The following CDC5L variants were observed in gnomAD, a reference collection of about 807,000 sequenced individuals.
The protein encoded by CDC5L is cell division cycle 5-like protein.
In CDC5L, 18 loss-of-function variants were observed where a neutral mutation model predicts 104.1. The observed-to-expected ratio is 0.17, with a 90% CI of 0.12 to 0.26. CDC5L has a LOEUF of 0.26. CDC5L is among the 10% of genes least tolerant of loss of function. CDC5L has a pLI of 1.00. For missense variants in CDC5L, 673 were observed against 956.9 expected, an observed-to-expected ratio of 0.70 and a Z score of 3.91; for synonymous variants, 331 against 322.7, an observed-to-expected ratio of 1.03 and a Z score of -0.28.
intron 13 of CDC5L, among the ~76,000 whole-genome samples, chr6:44,428,436 A>G (rs1182420641): frequency 6.6e-6 from 1 of 152,216 alleles, no homozygotes; most frequent in Non-Finnish European, 1.5e-5. Flanking sequence ...CCAGTTTTTC[A>G]TAAGCCATGA....
Position 44,422,729 on chromosome 6 carries a change from ACTC to A in CDC5L, c.1328_1330del (p.Pro443del), listed in dbSNP as rs1792244372. ...AGTTATTAACTCTACTCCGGGTAGA[ACTC>A]CTCTTCGAGACAAGTTAAACATTAA... On this transcript the variant is annotated inframe_deletion, in exon 10 of 16. Coordinates refer to ENST00000371477, the MANE Select transcript of CDC5L (RefSeq NM_001253.4). 6.2e-7 allele frequency: 1 copy of A among 1,612,344 alleles called. No individual in the cohort carries two copies. The highest frequency in any genetic ancestry group is 1.3e-5 in the African/African-American group (1 of 74,842).
intron 14 of CDC5L, among the ~76,000 whole-genome samples, chr6:44,439,278 C>A (rs893105473): frequency 4.6e-5 from 7 of 152,112 alleles, no homozygotes; most frequent in African/African-American, 1.4e-4. Context: ...TGGGTTGCTT[C>A]TACTTTTACC....
intron 12 of CDC5L, 65 bp downstream of exon 12, chr6:44,426,248 C>A: frequency 8.5e-7 from 1 of 1,177,754 alleles, no homozygotes; most frequent in Non-Finnish European, 1.2e-6. Flanking sequence ...CTGCGTTTTA[C>A]ATCATTCATA....
intron 14 of CDC5L, among the ~76,000 whole-genome samples, chr6:44,440,191 T>C (rs193064725): frequency 5.3e-4 from 80 of 151,994 alleles, no homozygotes; most frequent in Middle Eastern, 3.5e-3. Context: ...GTAAGGCACA[T>C]AACATGCAGT....
intron 6 of CDC5L, 77 bp from the exon 7 acceptor site, chr6:44,406,246 T>C: frequency 9.2e-7 from 1 of 1,082,624 alleles, no homozygotes; most frequent in Admixed American, 2.5e-5. Context: ...TTCAAAGGGT[T>C]TGAGTATTTG....
chr6:44,435,942 C>G (rs773163039), intron 14 of CDC5L, among the ~76,000 whole-genome samples: 1 of 151,872 alleles, frequency 6.6e-6, no homozygotes, highest in African/African-American at 2.4e-5. Flanking sequence ...CCACCACGCT[C>G]GGCTAATTTT....
At chr6:44,439,082 A>G (rs1242749727) in intron 14 of CDC5L, among the ~76,000 whole-genome samples, 1 of 152,130 alleles carries the variant, frequency 6.6e-6, no homozygotes, top group Non-Finnish European at 1.5e-5. Context: ...CCTATTTTGG[A>G]TATTTCACAT....
At chr6:44,441,519 T>C (rs1021299815) in intron 14 of CDC5L, among the ~76,000 whole-genome samples, 5 of 152,242 alleles carry the variant, frequency 3.3e-5, no homozygotes, top group African/African-American at 4.8e-5. Context: ...GTTTTCAGTT[T>C]TTTGAGGAAC....
At position 44,397,648 on chromosome 6, in the gene CDC5L, T is replaced by A. The variant is rs149871082; in HGVS notation, c.539+1208T>A. 1.9e-3 allele frequency among the ~76,000 whole-genome samples: 288 copies of A among 152,338 alleles called. 1 individual carries two copies. Among genetic ancestry groups the A allele is most frequent in the South Asian group, 0.011 (51 of 4,828 alleles). On this transcript the variant is annotated intron_variant, in intron 5 of 15. Coordinates refer to ENST00000371477, the MANE Select transcript of CDC5L (RefSeq NM_001253.4). ...CACACAAGATTATGTGTCTTTTGTA[T>A]GACTGCCAATTAGTTACTTTCCTTG... is the stretch of plus-strand genomic sequence containing the variant.
Position 44,429,920 on chromosome 6 carries a change from C to G in CDC5L, c.2091+10C>G. On this transcript the variant is annotated intron_variant, in intron 14 of 15. Coordinates refer to ENST00000371477, the MANE Select transcript of CDC5L (RefSeq NM_001253.4). ...TGAAAAGAGGCTCGAGGTTGGTATCCTTTTAAAATTTTAATTTTAAATGTA... is the reference window on the plus strand; with the variant it reads ...TGAAAAGAGGCTCGAGGTTGGTATCGTTTTAAAATTTTAATTTTAAATGTA... The G allele has an allele frequency of 6.2e-7, 1 of 1,604,968 alleles. No homozygotes were observed. Among genetic ancestry groups the G allele is most frequent in the Non-Finnish European group, 8.5e-7 (1 of 1,174,234 alleles).
intron 7 of CDC5L, 31 bp from the exon 8 acceptor site, chr6:44,408,412 TG>T (rs1323026340): frequency 5.1e-6 from 8 of 1,553,684 alleles, no homozygotes; most frequent in Non-Finnish European, 7.1e-6. Context: ...TCAGTTAAAA[TG>T]TTGCTTACTA....
intron 8 of CDC5L, among the ~76,000 whole-genome samples, chr6:44,411,579 C>A (rs1791625514): frequency 6.7e-6 from 1 of 149,704 alleles, no homozygotes; most frequent in South Asian, 2.2e-4. Flanking sequence ...GAGTAAAGCC[C>A]CTCTGTTTTT....
rs372684842 is a variant in CDC5L, at chr6:44,408,640, G to A, written c.1092+8G>A. 2.0e-5 allele frequency: 31 copies of A among 1,578,728 alleles called. No individual in the cohort carries two copies. In the African/African-American group the frequency reaches 3.8e-4, roughly 19 times the overall value. On this transcript the variant is annotated splice_region_variant and intron_variant, in intron 8 of 15. Transcript: ENST00000371477. ...CAGGACAGAATTCTGCAGGTAACGT[G>A]TCACGTAGTAGAATGAGGCTTTTAC...
chr6:44,388,831 C>T (rs897138070), intron 1 of CDC5L, among the ~76,000 whole-genome samples: 1 of 152,150 alleles, frequency 6.6e-6, no homozygotes, highest in African/African-American at 2.4e-5. Context: ...TTTGTTAAAA[C>T]TTGCTTTGTC....
intron 14 of CDC5L, among the ~76,000 whole-genome samples, chr6:44,436,375 T>C (rs1385225628): frequency 6.6e-6 from 1 of 152,164 alleles, no homozygotes; most frequent in Non-Finnish European, 1.5e-5. Context: ...ATTGTTGTAC[T>C]GAGTGAAGCT....
intron 5 of CDC5L, among the ~76,000 whole-genome samples, chr6:44,396,838 A>C (rs1322037202): frequency 6.6e-6 from 1 of 152,218 alleles, no homozygotes; most frequent in Non-Finnish European, 1.5e-5. Flanking sequence ...TAAAGGATAC[A>C]AATCAACGGC....
At chr6:44,392,892 T>C (rs1790682648) in intron 3 of CDC5L, 64 bp downstream of exon 3, 3 of 1,424,936 alleles carry the variant, frequency 2.1e-6, no homozygotes, top group Non-Finnish European at 2.9e-6. Flanking sequence ...CTGAATAAAC[T>C]TTGAGTATTT....
intron 8 of CDC5L, among the ~76,000 whole-genome samples, chr6:44,414,331 G>T (rs961038347): frequency 2.0e-5 from 3 of 151,072 alleles, no homozygotes; most frequent in African/African-American, 7.3e-5. Context: ...TCCCACCTTG[G>T]CCTCCCAAAG....
At chr6:44,435,055 A>G (rs1242840892) in intron 14 of CDC5L, among the ~76,000 whole-genome samples, 1 of 151,820 alleles carries the variant, frequency 6.6e-6, no homozygotes, top group African/African-American at 2.4e-5. Flanking sequence ...ATCACCTTAA[A>G]CATTGTGGTG....
Sources: allele counts gnomAD v4.1 joint callset (sites outside exome capture counted in the v4.1 genomes callset), GRCh38; gene constraint gnomAD v4.1.1; transcripts MANE v1.5; gene names NCBI Gene and HGNC (gene_info 2026-07-23, HGNC 2026-07-21).